PHC2: variants seen among roughly 807,000 people sequenced by gnomAD.
PHC2 encodes the protein polyhomeotic-like protein 2.
PHC2 carries 29 observed loss-of-function variants against 87.4 expected under a neutral mutation model. The observed-to-expected ratio is 0.33, with a 90% confidence interval of 0.25 to 0.45. The LOEUF (loss-of-function observed/expected upper bound fraction) is 0.45. Ranked by LOEUF, PHC2 falls within the 20% of genes least tolerant of loss-of-function variation. The probability of loss-of-function intolerance (pLI) is 1.00; values close to 1 mark genes in which losing one functional copy is unlikely to be tolerated. For missense variants in PHC2, 857 were observed against 1,136.7 expected, an observed-to-expected ratio of 0.75 and a Z score of 3.54; for synonymous variants, 438 against 461.7, an observed-to-expected ratio of 0.95 and a Z score of 0.66.
intron 9 of PHC2, among the ~76,000 whole-genome samples, chr1:33,342,515 A>G (rs1646763193): frequency 7.2e-6 from 1 of 139,074 alleles, no homozygotes; most frequent in Non-Finnish European, 1.6e-5. Flanking sequence ...GCGAACAGCC[A>G]CCCTCCCCCC....
intron 9 of PHC2, among the ~76,000 whole-genome samples, chr1:33,340,416 C>T (rs1449424196): frequency 6.6e-6 from 1 of 152,184 alleles, no homozygotes. Context: ...ACCATTTGCT[C>T]TAGAAACCGC....
At chr1:33,345,160 C>T (rs1646823218) in intron 9 of PHC2, 1 of 152,174 alleles carries the variant, frequency 6.6e-6, no homozygotes, top group South Asian at 2.1e-4. Flanking sequence ...CAGTATCAGG[C>T]CTGGTCCTCC....
In PHC2 at chr1:33,367,370, G is replaced by T. The variant is rs1300070282; in HGVS notation, c.722C>A (p.Thr241Asn). 1.2e-6 allele frequency: 2 copies of T among 1,607,736 alleles called. No homozygotes were observed. The highest frequency in any genetic ancestry group is 8.5e-7 in the Non-Finnish European group (1 of 1,175,452). Residue 241 changes from threonine to asparagine, a missense_variant, in exon 7 of 15, where the codon ACC (threonine) becomes AAC (asparagine). Physicochemically the swap from Thr to Asn is moderately conservative, Grantham distance 65 (BLOSUM62 0). Around this residue, in one of 3 missense-constraint regions of PHC2, gnomAD observed 832 missense variants for 1,081.8 expected, o/e 0.77. Transcript: ENST00000683057. ...QTPAAAASGP[T>N]PTQPVLPSLA... The stretch of plus-strand genomic sequence containing the variant: ...GCTGGGCAGGACAGGCTGAGTGGGG[G>T]TGGGGCCCGAGGCTGCTGCCGCTGG...
rs1447905710 is a variant in PHC2 at position 33,369,352 on chromosome 1, G to A, written c.577-730C>T. Among the ~76,000 whole-genome samples the A allele has an allele frequency of 1.3e-5, 2 of 152,206 alleles. 1 individual carries two copies. ...TAGAACTCTGCGATAGCGCAGCTGT[G>A]CTTTTTCCTCTGTGGGTGTATGCCC... is the stretch of plus-strand genomic sequence containing the variant. On this transcript the variant is annotated intron_variant, in intron 5 of 14. Transcript: ENST00000683057. The surrounding 1 kb of genome is among the most constrained non-coding windows in gnomAD (Gnocchi z 4.7).
intron 7 of PHC2, among the ~76,000 whole-genome samples, chr1:33,356,276 T>TATATATATATATATATATATAC (rs1557831073): frequency 0.034 from 1,985 of 58,618 alleles, 46 homozygotes; most frequent in South Asian, 0.07. Context: ...TATATATATA[T>TATATATATATATATATATATAC]GTATATATAT....
At position 33,334,304 on chromosome 1, in the gene PHC2, A is replaced by T; in HGVS notation, c.1559-12T>A. On this transcript the variant is annotated splice_polypyrimidine_tract_variant and intron_variant, in intron 9 of 14. Transcript: ENST00000683057. The surrounding 1 kb of genome is among the most constrained non-coding windows in gnomAD (Gnocchi z 5.5). ...GCCCTGCCCTGTCTCTGCACGAGAG[A>T]GAGTAGGAAAACAAAGCAGGGGAGA... 1 of 1,611,122 alleles carries T rather than the reference A, an allele frequency of 6.2e-7. No individual in the cohort carries two copies. Among genetic ancestry groups the T allele is most frequent in the Non-Finnish European group, 8.5e-7 (1 of 1,178,314 alleles).
At chr1:33,360,928 T>C (rs1647182980) in intron 7 of PHC2, among the ~76,000 whole-genome samples, 2 of 152,134 alleles carry the variant, frequency 1.3e-5, no homozygotes, top group Admixed American at 6.5e-5. Context: ...AGGTCAAAAA[T>C]GCTGATGGCC....
intron 1 of PHC2, among the ~76,000 whole-genome samples, chr1:33,398,143 G>C (rs1170086394): frequency 6.6e-6 from 1 of 152,204 alleles, no homozygotes; most frequent in Non-Finnish European, 1.5e-5. Flanking sequence ...AAACTGAAAA[G>C]CATTGTGGAA....
rs1282709046 is a variant in PHC2 at position 33,368,062 on chromosome 1, T to C, written c.663+474A>G. 6.6e-6 allele frequency among the ~76,000 whole-genome samples: 1 copy of C among 152,132 alleles called. No homozygotes were observed. The highest frequency in any genetic ancestry group is 2.4e-5 in the African/African-American group (1 of 41,442). The stretch of plus-strand genomic sequence containing the variant: ...GGGAGATGCGAGTGCTAGGGGTTCC[T>C]TCCCCGGCTGCCCACAGAATCTTCC... On this transcript the variant is annotated intron_variant, in intron 6 of 14. Coordinates refer to ENST00000683057, the MANE Select transcript of PHC2 (RefSeq NM_001385109.1). This position sits in a 1 kb window ranked among gnomAD's most constrained non-coding sequence, Gnocchi z 6.6.
At chr1:33,345,861 C>G in intron 9 of PHC2, 5 of 984,146 alleles carry the variant, frequency 5.1e-6, no homozygotes, top group Non-Finnish European at 6.0e-6. Context: ...AATCAGTGTT[C>G]TGATGTGGCT....
chr1:33,389,202 G>T (rs1030281686), intron 1 of PHC2, among the ~76,000 whole-genome samples: 9 of 152,084 alleles, frequency 5.9e-5, no homozygotes, highest in Non-Finnish European at 1.2e-4. Context: ...CGAAAGAGAC[G>T]AAGCTAGTTG....
intron 13 of PHC2, among the ~76,000 whole-genome samples, chr1:33,329,719 G>T (rs1646447695): frequency 6.6e-6 from 1 of 152,182 alleles, no homozygotes; most frequent in Admixed American, 6.5e-5. Context: ...AAAACAAAGG[G>T]TGGAGGCTGC....
Position 33,329,263 on chromosome 1 carries a change from C to G in PHC2, c.2149-117G>C. 6 of 955,978 alleles carry G rather than the reference C, an allele frequency of 6.3e-6. No homozygotes were observed. In the East Asian group the frequency reaches 1.0e-4, roughly 17 times the overall value. 59.2% of individuals were successfully genotyped at this position (955,978 alleles called of 1,614,324 possible). On this transcript the variant is annotated intron_variant, in intron 13 of 14. Transcript: ENST00000683057. ...GCCTACTACTACACATCTGAGTTCC[C>G]AGATCTAACAGCATCTTCCATGCTG...
At chr1:33,340,816 ATTTC>A (rs1355714157) in intron 9 of PHC2, among the ~76,000 whole-genome samples, 1 of 149,848 alleles carries the variant, frequency 6.7e-6, no homozygotes, top group African/African-American at 2.5e-5. Flanking sequence ...TTGGTTAACA[ATTTC>A]TTTAAAATGC....
intron 2 of PHC2, 65 bp from the exon 3 acceptor site, chr1:33,372,512 T>G: frequency 7.2e-7 from 1 of 1,390,588 alleles, no homozygotes; most frequent in African/African-American, 1.5e-5. Flanking sequence ...CCTTTGGCAG[T>G]AATGCCTTGC....
At position 33,364,232 on chromosome 1, in the gene PHC2, C is replaced by CCCTCCT. The variant is rs1410788001; in HGVS notation, c.976+2878_976+2883dup. On this transcript the variant is annotated intron_variant, in intron 7 of 14. Coordinates refer to ENST00000683057, the MANE Select transcript of PHC2 (RefSeq NM_001385109.1). The surrounding 1 kb of genome is among the most constrained non-coding windows in gnomAD (Gnocchi z 4.1). ...AGAACACATTCCTCACTGCCATACC[C>CCCTCCT]CCTCCTACTGGCCCACTGCAAGTCT... is the stretch of plus-strand genomic sequence containing the variant. Among the ~76,000 whole-genome samples the CCCTCCT allele has an allele frequency of 1.3e-5, 2 of 152,066 alleles. No homozygotes were observed. The highest frequency in any genetic ancestry group is 3.9e-4 in the East Asian group (2 of 5,168).
intron 9 of PHC2, among the ~76,000 whole-genome samples, chr1:33,340,732 G>A (rs1012166085): frequency 2.6e-5 from 4 of 152,310 alleles, no homozygotes; most frequent in African/African-American, 4.8e-5. Flanking sequence ...AGGGAGTTGC[G>A]GGGAGGAGGG....
At chr1:33,348,163 G>T (rs1646881222) in intron 9 of PHC2, among the ~76,000 whole-genome samples, 1 of 152,138 alleles carries the variant, frequency 6.6e-6, no homozygotes, top group African/African-American at 2.4e-5. Context: ...ACACAGTCAG[G>T]TACTTTATTT....
chr1:33,364,228 T>A lies in PHC2; in HGVS notation c.976+2888A>T, dbSNP rs1349663064. 6.6e-6 allele frequency among the ~76,000 whole-genome samples: 1 copy of A among 151,942 alleles called. No homozygotes were observed. Among genetic ancestry groups the A allele is most frequent in the African/African-American group, 2.4e-5 (1 of 41,354 alleles). ...CAGGAGAACACATTCCTCACTGCCA[T>A]ACCCCCTCCTACTGGCCCACTGCAA... On this transcript the variant is annotated intron_variant, in intron 7 of 14. Coordinates refer to ENST00000683057, the MANE Select transcript of PHC2 (RefSeq NM_001385109.1). The surrounding 1 kb of genome is among the most constrained non-coding windows in gnomAD (Gnocchi z 4.1).
Sources: allele counts gnomAD v4.1 joint callset (sites outside exome capture counted in the v4.1 genomes callset), GRCh38; gene constraint gnomAD v4.1.1; regional missense constraint gnomAD v4.1.1; non-coding constraint Gnocchi (gnomAD v3.1); transcripts MANE v1.5; gene names NCBI Gene and HGNC (gene_info 2026-07-23, HGNC 2026-07-21).